Variants in ALPK3 observed in about 807,000 individuals in gnomAD.
The protein encoded by ALPK3 is alpha-protein kinase 3.
Under a neutral mutation model 140.0 loss-of-function variants are expected in ALPK3, and 102 were observed. That is an observed-to-expected ratio of 0.73 (90% CI 0.62 to 0.86). The LOEUF (loss-of-function observed/expected upper bound fraction) is 0.86. Ranked by LOEUF, ALPK3 falls within the 40% of genes least tolerant of loss-of-function variation. The pLI, the probability that ALPK3 is intolerant of heterozygous loss-of-function variation, is 0.00. For synonymous variants in ALPK3, 938 were observed against 898.5 expected (o/e 1.04, Z -0.79); for missense variants, 2,254 against 2,208.2 (o/e 1.02, Z -0.42).
chr15:84,818,089 A>G (rs1206411141), intron 1 of ALPK3, among the ~76,000 whole-genome samples: 1 of 151,808 alleles, frequency 6.6e-6, no homozygotes, highest in African/African-American at 2.4e-5. Flanking sequence ...TTTGTAAATA[A>G]GGTTCCTCTA....
intron 12 of ALPK3, among the ~76,000 whole-genome samples, chr15:84,866,037 C>T (rs183137003): frequency 6.6e-6 from 1 of 152,276 alleles, no homozygotes; most frequent in Admixed American, 6.5e-5. Flanking sequence ...TGAAGCTCAC[C>T]CTGGTTAGGT....
chr15:84,860,010 A>G (rs949071007), intron 8 of ALPK3, 27 bp from the exon 9 acceptor site: 7 of 1,613,866 alleles, frequency 4.3e-6, no homozygotes, highest in Non-Finnish European at 5.9e-6. Context: ...GCCTGAAGGC[A>G]CTGCTTTCTT....
chr15:84,822,076 G>T (rs1963432150), intron 1 of ALPK3, among the ~76,000 whole-genome samples: 1 of 152,008 alleles, frequency 6.6e-6, no homozygotes, highest in African/African-American at 2.4e-5. Context: ...CTACACTGGG[G>T]GACTGCAGCA....
chr15:84,865,993 C>T lies in ALPK3; in HGVS notation c.4724-1324C>T, dbSNP rs541814563. 5.3e-5 allele frequency among the ~76,000 whole-genome samples: 8 copies of T among 152,318 alleles called. No homozygotes were observed. The East Asian group carries it at 1.3e-3, about 26-fold the overall frequency. ...TTGATTTAAGTCAAAGCCCCATTCT[C>T]TTCTAGCTGAGTCTGTTTTACAAAG... On this transcript the variant is annotated intron_variant, in intron 12 of 13. Transcript: ENST00000258888.
Position 84,857,228 on chromosome 15 carries a change from G to A in ALPK3, c.2490G>A (p.Lys830=). 1 of 1,614,046 alleles carries A rather than the reference G, an allele frequency of 6.2e-7. No homozygotes were observed. Among genetic ancestry groups the A allele is most frequent in the African/African-American group, 1.3e-5 (1 of 75,050 alleles). The change falls in exon 6 of 14, where the codon AAG becomes AAA. Residue 830 remains lysine, a synonymous_variant. Transcript: ENST00000258888. The part of the protein sequence containing the change: ...GPQSSGPVEA[K]QEDSPFQCPK... ...AGTCATCAGGCCCAGTCGAGGCCAA[G>A]CAGGAGGACAGCCCGTTCCAGTGCC...
In ALPK3 at chr15:84,862,767, G is replaced by A. The variant is rs770717324; in HGVS notation, c.4262G>A (p.Arg1421Gln). ...GGGGGTGGATATGGGTGTGGCCTTC[G>A]GAAGGCCTCCCAGGCCAAGGTCATC... ...LRGGGYGCGL[R>Q]KASQAKVIYG... The change falls in exon 10 of 14, where the codon CGG (arginine) becomes CAG (glutamine). Residue 1421 changes from arginine to glutamine, a missense_variant. Arg to Gln is a conservative substitution (Grantham distance 43). Transcript: ENST00000258888. 3.7e-6 allele frequency: 6 copies of A among 1,614,084 alleles called. No individual in the cohort carries two copies. The highest frequency in any genetic ancestry group is 5.1e-6 in the Non-Finnish European group (6 of 1,180,006).
chr15:84,857,125 G>C lies in ALPK3; in HGVS notation c.2387G>C (p.Gly796Ala). Residue 796 changes from glycine (G) to alanine (A), a missense_variant, in exon 6 of 14, where the codon GGG becomes GCG. Around this residue, in one of 3 missense-constraint regions of ALPK3, gnomAD observed 2,088 missense variants for 2,022.9 expected, o/e 1.03. Coordinates refer to ENST00000258888, the MANE Select transcript of ALPK3 (RefSeq NM_020778.5). ...HEQTVLGPLS[G>A]NLMLPAQPPH... is the part of the protein sequence containing the mutation. ...CAAACTGTGCTGGGTCCCCTGTCAG[G>C]GAACCTCATGCTCCCAGCACAGCCG... is the stretch of plus-strand genomic sequence containing the variant. 6.2e-7 allele frequency: 1 copy of C among 1,614,160 alleles called. No homozygotes were observed. The highest frequency in any genetic ancestry group is 2.2e-5 in the East Asian group (1 of 44,864).
At chr15:84,859,015 G>A (rs992927338) in intron 6 of ALPK3, among the ~76,000 whole-genome samples, 1 of 152,166 alleles carries the variant, frequency 6.6e-6, no homozygotes, top group African/African-American at 2.4e-5. Flanking sequence ...CTCCCAGCCT[G>A]GGGTCAAGGT....
chr15:84,869,834 C>A lies in ALPK3; in HGVS notation c.*1378C>A, dbSNP rs184318124. The A allele has an allele frequency of 6.5e-6, 1 of 152,766 alleles. No homozygotes were observed. Among genetic ancestry groups the A allele is most frequent in the African/African-American group, 2.4e-5 (1 of 41,566 alleles). 9.5% of individuals were successfully genotyped at this position (152,766 alleles called of 1,614,324 possible). ...GCTCTCTGAGGGCATTCTGTAGTCC[C>A]AGGCCCACTGGAAAAATGAATCTAT... On this transcript the variant is annotated 3_prime_UTR_variant, in exon 14 of 14. Coordinates refer to ENST00000258888, the MANE Select transcript of ALPK3 (RefSeq NM_020778.5).
At chr15:84,838,625 ATTATTATTATTAT>A (rs1420568386) in intron 3 of ALPK3, among the ~76,000 whole-genome samples, 4 of 71,238 alleles carry the variant, frequency 5.6e-5, no homozygotes, top group African/African-American at 1.8e-4. Flanking sequence ...TATTATTATT[ATTATTATTATTAT>A]TGAGATGGAG....
At position 84,864,539 on chromosome 15, in the gene ALPK3, C is replaced by G. The variant is rs771052478; in HGVS notation, c.4597C>G (p.Arg1533Gly). ...LGKPLESYCS[R>G]EWGCAEAPTA... ...CAAGCCCCTGGAGTCTTACTGTTCT[C>G]GGGAATGGGGCTGTGCTGAGGCTCC... Residue 1533 changes from arginine (R) to glycine (G), a missense_variant, in exon 12 of 14, where the codon CGG becomes GGG. Coordinates refer to ENST00000258888, the MANE Select transcript of ALPK3 (RefSeq NM_020778.5). The G allele has an allele frequency of 1.2e-6, 2 of 1,614,196 alleles. No individual in the cohort carries two copies. The highest frequency in any genetic ancestry group is 1.7e-6 in the Non-Finnish European group (2 of 1,180,040).
intron 1 of ALPK3, among the ~76,000 whole-genome samples, chr15:84,820,200 C>G (rs1158194933): frequency 6.6e-6 from 1 of 152,110 alleles, no homozygotes; most frequent in Admixed American, 6.5e-5. Flanking sequence ...TTCCAGAAAC[C>G]CCTGCCCCCT....
chr15:84,851,104 A>G (rs536071277), intron 5 of ALPK3, among the ~76,000 whole-genome samples: 23 of 152,336 alleles, frequency 1.5e-4, no homozygotes, highest in African/African-American at 5.5e-4. Flanking sequence ...TGGGGGTATA[A>G]TGATGGAATT....
intron 3 of ALPK3, among the ~76,000 whole-genome samples, chr15:84,829,270 C>A (rs1451461058): frequency 2.6e-5 from 4 of 152,228 alleles, no homozygotes; most frequent in Non-Finnish European, 5.9e-5. Flanking sequence ...TTTATACCAT[C>A]ATTTTCTCTG....
At chr15:84,846,074 A>T (rs1963727752) in intron 5 of ALPK3, among the ~76,000 whole-genome samples, 1 of 152,140 alleles carries the variant, frequency 6.6e-6, no homozygotes, top group Non-Finnish European at 1.5e-5. Context: ...TCTCAAAAAT[A>T]AAACAACAAC....
At chr15:84,849,664 A>G (rs180685061) in intron 5 of ALPK3, among the ~76,000 whole-genome samples, 8 of 152,320 alleles carry the variant, frequency 5.3e-5, no homozygotes, top group Admixed American at 6.5e-5. Flanking sequence ...TTATGGGCCA[A>G]GGAAGAAGTC....
chr15:84,868,049 GC>G, intron 13 of ALPK3, 61 bp from the exon 14 acceptor site: 3 of 1,512,232 alleles, frequency 2.0e-6, no homozygotes, highest in African/African-American at 1.4e-5. Flanking sequence ...CCCAGAGTCC[GC>G]CCCCCAAGGA....
intron 5 of ALPK3, among the ~76,000 whole-genome samples, chr15:84,849,412 A>G (rs1317219089): frequency 1.3e-5 from 2 of 152,210 alleles, no homozygotes; most frequent in East Asian, 3.8e-4. Context: ...CCAGCAACCA[A>G]CTATCTAATA....
Position 84,830,501 on chromosome 15 carries a change from G to C in ALPK3, c.304+2896G>C, listed in dbSNP as rs114375065. 6.6e-5 allele frequency among the ~76,000 whole-genome samples: 10 copies of C among 152,282 alleles called. No homozygotes were observed. The East Asian group carries it at 1.9e-3, about 29-fold the overall frequency. On this transcript the variant is annotated intron_variant, in intron 3 of 13. Coordinates refer to ENST00000258888, the MANE Select transcript of ALPK3 (RefSeq NM_020778.5). ...AGTCCCTCTGGTCTAATGTGCCTTC[G>C]TTTCTCTGCATCTGGTACACAGTTA...
Sources: allele counts gnomAD v4.1 joint callset (sites outside exome capture counted in the v4.1 genomes callset), GRCh38; gene constraint gnomAD v4.1.1; regional missense constraint gnomAD v4.1.1; transcripts MANE v1.5; gene names NCBI Gene and HGNC (gene_info 2026-07-23, HGNC 2026-07-21).